The following NBEA variants were observed in gnomAD, a reference collection of about 807,000 sequenced individuals.
NBEA encodes the protein neurobeachin.
Under a neutral mutation model 343.4 loss-of-function variants are expected in NBEA, and 44 were observed. The ratio of observed to expected loss-of-function variants is 0.13; its 90% CI spans 0.10 to 0.16. The LOEUF is 0.16. Ranked by LOEUF, NBEA falls within the 10% of genes least tolerant of loss-of-function variation. The pLI, the probability that NBEA is intolerant of heterozygous loss-of-function variation, is 1.00. For synonymous variants in NBEA, 1,175 were observed against 1,238.7 expected, an observed-to-expected ratio of 0.95 and a Z score of 1.08; for missense variants, 2,555 against 3,631.3, an observed-to-expected ratio of 0.70 and a Z score of 7.62.
intron 34 of NBEA, among the ~76,000 whole-genome samples, chr13:35,247,621 TCA>T (rs1477310740): frequency 6.6e-6 from 1 of 152,140 alleles, no homozygotes; most frequent in Admixed American, 6.5e-5. Context: ...GTTTGGACAC[TCA>T]CAGTGTTTGG....
At position 35,159,862 on chromosome 13, in the gene NBEA, G is replaced by A; in HGVS notation, c.3691G>A (p.Gly1231Arg). Residue 1231 changes from glycine (G) to arginine (R), a missense_variant, in exon 22 of 59, where the codon GGG becomes AGG. Coordinates refer to ENST00000379939, the MANE Select transcript of NBEA (RefSeq NM_001385012.1). ...SERDLASSTK[G>R]LEYAEMTATT... ...AAGAGACTTAGCGTCATCAACTAAGGGGCTGGAGTATGCTGAAATGACTGC... is the reference window on the plus strand; with the variant it reads ...AAGAGACTTAGCGTCATCAACTAAGAGGCTGGAGTATGCTGAAATGACTGC... The A allele has an allele frequency of 6.2e-7, 1 of 1,606,002 alleles. No individual in the cohort carries two copies. Among genetic ancestry groups the A allele is most frequent in the Non-Finnish European group, 8.5e-7 (1 of 1,175,772 alleles).
chr13:35,486,495 GTATT>G (rs1209949819), intron 41 of NBEA, among the ~76,000 whole-genome samples: 4 of 151,990 alleles, frequency 2.6e-5, no homozygotes, highest in African/African-American at 9.7e-5. Flanking sequence ...TATTTAATGA[GTATT>G]TAATCTCATT....
At chr13:34,996,264 A>G (rs1323591777) in intron 1 of NBEA, among the ~76,000 whole-genome samples, 3 of 152,226 alleles carry the variant, frequency 2.0e-5, no homozygotes, top group Non-Finnish European at 4.4e-5. Context: ...TGTTATATAA[A>G]TATAAAATTG....
At chr13:35,265,595 C>T (rs1480412757) in intron 34 of NBEA, among the ~76,000 whole-genome samples, 2 of 151,642 alleles carry the variant, frequency 1.3e-5, no homozygotes, top group East Asian at 1.9e-4. Flanking sequence ...ACAACGGTGC[C>T]TAAAAACAGT....
At chr13:35,477,382 T>A (rs9544418) in intron 41 of NBEA, among the ~76,000 whole-genome samples, 45,514 of 152,060 alleles carry the variant, frequency 0.3, 8,255 homozygotes, top group Non-Finnish European at 0.41. Flanking sequence ...ATTTAAAAAA[T>A]ATTTCGTACA....
At chr13:35,180,872 T>C (rs989621710) in intron 28 of NBEA, among the ~76,000 whole-genome samples, 2 of 151,908 alleles carry the variant, frequency 1.3e-5, no homozygotes, top group South Asian at 2.1e-4. Context: ...ATCATTCTTA[T>C]GCCTTTGCAT....
intron 55 of NBEA, among the ~76,000 whole-genome samples, chr13:35,660,356 C>G (rs1050477684): frequency 6.6e-6 from 1 of 152,206 alleles, no homozygotes; most frequent in African/African-American, 2.4e-5. Context: ...ATTTTTAAAT[C>G]ATAGCCATGT....
chr13:35,259,730 C>G (rs960206344), intron 34 of NBEA, among the ~76,000 whole-genome samples: 1 of 151,928 alleles, frequency 6.6e-6, no homozygotes, highest in African/African-American at 2.4e-5. Context: ...TGAATTTTTA[C>G]AAATATAGTT....
chr13:35,232,093 C>A (rs563977382), intron 33 of NBEA, among the ~76,000 whole-genome samples: 1 of 152,212 alleles, frequency 6.6e-6, no homozygotes, highest in South Asian at 2.1e-4. Flanking sequence ...TCAGGTAATA[C>A]CTCCTTGAGA....
Position 35,142,338 on chromosome 13 carries a change from A to G in NBEA, c.2406A>G (p.Thr802=). ...TTGGAGAAAGGCTGATGTTGCATAC[A>G]AACACTGTGACTGTCACCACATACA... ...TLLGERLMLH[T]NTVTVTTYNT... is the part of the protein sequence containing the mutation. Residue 802 remains threonine (T), a synonymous_variant, in exon 18 of 59, where the codon ACA becomes ACG. Transcript: ENST00000379939. The G allele has an allele frequency of 2.5e-6, 4 of 1,613,300 alleles. No individual in the cohort carries two copies. The highest frequency in any genetic ancestry group is 3.4e-6 in the Non-Finnish European group (4 of 1,179,496).
intron 38 of NBEA, among the ~76,000 whole-genome samples, chr13:35,395,263 G>A (rs551351877): frequency 2.0e-5 from 3 of 152,036 alleles, no homozygotes; most frequent in South Asian, 2.1e-4. Flanking sequence ...GGTTGGGCTC[G>A]GTGGGAGGTA....
chr13:35,057,571 T>A (rs559891733), intron 7 of NBEA, among the ~76,000 whole-genome samples: 5 of 152,172 alleles, frequency 3.3e-5, no homozygotes, highest in Admixed American at 6.6e-5. Flanking sequence ...TAGAAACTTA[T>A]GGTTGAGCCA....
chr13:35,475,659 C>G (rs201074276), intron 41 of NBEA: 10 of 1,613,920 alleles, frequency 6.2e-6, no homozygotes, highest in Non-Finnish European at 6.8e-6. Context: ...CTCGGATTCT[C>G]AGTTTCACTT....
chr13:35,039,898 G>A (rs1223427650), intron 1 of NBEA, among the ~76,000 whole-genome samples: 1 of 151,928 alleles, frequency 6.6e-6, no homozygotes, highest in East Asian at 1.9e-4. Flanking sequence ...CACCTTCAAT[G>A]TTTTTTGGAA....
rs779195335 is a variant in NBEA at position 35,162,171 on chromosome 13, CAT to C, written c.4079+205_4079+206del. Among the ~76,000 whole-genome samples the C allele has an allele frequency of 4.6e-5, 7 of 152,144 alleles. No homozygotes were observed. The East Asian group carries it at 9.7e-4, about 21-fold the overall frequency. ...GTTTAAGTTTAAAATCACCCTGTGA[CAT>C]GTGTATTCAGAGCCTGTAGTATTTA... On this transcript the variant is annotated intron_variant, in intron 23 of 58. Coordinates refer to ENST00000379939, the MANE Select transcript of NBEA (RefSeq NM_001385012.1).
At chr13:35,459,466 G>C (rs1414323591) in intron 40 of NBEA, among the ~76,000 whole-genome samples, 1 of 150,742 alleles carries the variant, frequency 6.6e-6, no homozygotes, top group African/African-American at 2.5e-5. Flanking sequence ...TAAATATATA[G>C]AACATTGGTA....
intron 23 of NBEA, among the ~76,000 whole-genome samples, chr13:35,163,719 A>G (rs1415047752): frequency 6.6e-6 from 1 of 151,990 alleles, no homozygotes; most frequent in African/African-American, 2.4e-5. Flanking sequence ...CTGTACTACC[A>G]ACTTACTTTG....
intron 31 of NBEA, among the ~76,000 whole-genome samples, chr13:35,201,920 A>T (rs984665625): frequency 1.3e-5 from 2 of 151,970 alleles, no homozygotes; most frequent in African/African-American, 4.8e-5. Context: ...CTCTCACCCC[A>T]AATTTATCTT....
intron 1 of NBEA, among the ~76,000 whole-genome samples, chr13:35,039,398 G>A (rs919771466): frequency 1.1e-4 from 17 of 152,176 alleles, no homozygotes; most frequent in South Asian, 4.1e-4. Context: ...GTGTCCTTGC[G>A]GTAGGGTTAG....
Sources: allele counts gnomAD v4.1 joint callset (sites outside exome capture counted in the v4.1 genomes callset), GRCh38; gene constraint gnomAD v4.1.1; transcripts MANE v1.5; gene names NCBI Gene and HGNC (gene_info 2026-07-23, HGNC 2026-07-21).